Variants in MCRS1 observed in about 807,000 individuals in gnomAD.
MCRS1 encodes microspherule protein 1, also known as 58 kDa microspherule protein.
In MCRS1, 22 loss-of-function variants were observed where a neutral mutation model predicts 62.9. That is an observed-to-expected ratio of 0.35 (90% CI 0.25 to 0.50). The LOEUF (loss-of-function observed/expected upper bound fraction) is 0.50. Among genes scored for constraint, MCRS1 ranks in the 20% least tolerant of loss-of-function variants. The pLI is 0.98. For missense variants in MCRS1, 456 were observed against 601.1 expected (o/e 0.76, Z 2.52); for synonymous variants, 244 against 233.5 (o/e 1.04, Z -0.41).
At chr12:49,563,331 T>C (rs1938875926) in intron 7 of MCRS1, 107 bp downstream of exon 7, 1 of 1,360,276 alleles carries the variant, frequency 7.4e-7, no homozygotes, top group Non-Finnish European at 1.0e-6. Context: ...CGTGTGCATG[T>C]GCACATATCC....
intron 2 of MCRS1, 43 bp downstream of exon 2, chr12:49,566,678 CT>C: frequency 6.2e-7 from 1 of 1,613,538 alleles, no homozygotes; most frequent in Non-Finnish European, 8.5e-7. Context: ...TCAGCAGATG[CT>C]TGGCGCCCGA....
At chr12:49,560,147 A>G (rs1026814032) in intron 9 of MCRS1, 148 bp downstream of exon 9, 1 of 1,177,506 alleles carries the variant, frequency 8.5e-7, no homozygotes. Context: ...GGAGCCTAAG[A>G]AGGCCCCAGT....
intron 3 of MCRS1, among the ~76,000 whole-genome samples, 159 bp downstream of exon 3, chr12:49,565,918 G>A (rs1332547575): frequency 6.6e-6 from 1 of 152,188 alleles, no homozygotes; most frequent in Non-Finnish European, 1.5e-5. Flanking sequence ...GTCCCACAGG[G>A]AAGGATTTAG....
intron 1 of MCRS1, 176 bp downstream of exon 1, chr12:49,567,872 G>A (rs1372195345): frequency 1.3e-5 from 2 of 152,190 alleles, no homozygotes; most frequent in East Asian, 3.9e-4. Flanking sequence ...TTGCGCATGC[G>A]TAACACTTCG....
rs1364884717 is a variant in MCRS1 at position 49,558,726 on chromosome 12, C to T, written c.1306G>A (p.Ala436Thr). ...RLSNNSVVEIASLRFVFLINQ... is the reference protein window; with the variant it reads ...RLSNNSVVEITSLRFVFLINQ... ...ATAAGGAAGACGAATCGCAGGCTGG[C>T]GATCTGGGTGGGAGACAAAGGTGGC... Residue 436 changes from alanine to threonine, a missense_variant, in exon 15 of 15, where the codon GCC becomes ACC. Around this residue, in one of 3 missense-constraint regions of MCRS1, gnomAD observed 393 missense variants for 523.5 expected, o/e 0.75. Coordinates refer to ENST00000343810, the MANE Select transcript of MCRS1 (RefSeq NM_006337.5). 4 of 1,613,728 alleles carry T rather than the reference C, an allele frequency of 2.5e-6. No homozygotes were observed. Among genetic ancestry groups the T allele is most frequent in the South Asian group, 2.2e-5 (2 of 91,076 alleles).
chr12:49,563,106 G>T lies in MCRS1; in HGVS notation c.700C>A (p.Leu234Met), dbSNP rs757459353. The T allele has an allele frequency of 1.3e-6, 2 of 1,564,016 alleles. No individual in the cohort carries two copies. Among genetic ancestry groups the T allele is most frequent in the Non-Finnish European group, 1.7e-6 (2 of 1,152,910 alleles). Residue 234 changes from leucine (L) to methionine (M), a missense_variant, in exon 8 of 15, where the codon CTG (leucine) becomes ATG (methionine). Physicochemically the swap from Leu to Met is conservative, Grantham distance 15. This residue lies in a region of MCRS1 where 393 missense variants were observed against 523.5 expected (regional missense o/e 0.75). Coordinates refer to ENST00000343810, the MANE Select transcript of MCRS1 (RefSeq NM_006337.5). ...SQPTLETFQDLLHRHPDAFYL... is the reference protein window; with the variant it reads ...SQPTLETFQDMLHRHPDAFYL... ...AAGGCATCAGGGTGTCTGTGCAGCA[G>T]GTCCTGGAAGGTCTCCAAGGTGGGC... is the stretch of plus-strand genomic sequence containing the variant.
chr12:49,566,287 G>GC, intron 2 of MCRS1, 72 bp from the exon 3 acceptor site: 1 of 1,543,826 alleles, frequency 6.5e-7, no homozygotes, highest in Middle Eastern at 1.8e-4. Flanking sequence ...CCCCTCCCCA[G>GC]CCCCCTTCCC....
rs761654097 is a variant in MCRS1, at chr12:49,564,514, C to G, written c.524G>C (p.Trp175Ser). Residue 175 changes from tryptophan (W) to serine (S), a missense_variant, in exon 6 of 15, where the codon TGG becomes TCG. Coordinates refer to ENST00000343810, the MANE Select transcript of MCRS1 (RefSeq NM_006337.5). The stretch of plus-strand genomic sequence containing the variant: ...GACAGGATCGTAGAGCAGGGCGTAC[C>G]AACGCTCCTGGACCTCCCGAAGGGT... ...RFTLREVQER[W>S]YALLYDPVIS... 6.2e-7 allele frequency: 1 copy of G among 1,613,388 alleles called. No individual in the cohort carries two copies. The highest frequency in any genetic ancestry group is 1.1e-5 in the South Asian group (1 of 90,900).
At chr12:49,563,197 C>T (rs1938866965) in intron 7 of MCRS1, 58 bp from the exon 8 acceptor site, 4 of 1,535,816 alleles carry the variant, frequency 2.6e-6, no homozygotes, top group Admixed American at 2.0e-5. Context: ...GCCTCTCTGC[C>T]TTACCATCTC....
chr12:49,566,867 G>A, intron 1 of MCRS1, 26 bp from the exon 2 acceptor site: 1 of 1,232,598 alleles, frequency 8.1e-7, no homozygotes, highest in Admixed American at 2.0e-5. Context: ...GAGGCTCCCT[G>A]AGGCTCAGAT....
chr12:49,558,717 G>T lies in MCRS1; in HGVS notation c.1315C>A (p.Arg439=), dbSNP rs536181824. Residue 439 remains arginine, a synonymous_variant, in exon 15 of 15, where the codon CGA becomes AGA. Coordinates refer to ENST00000343810, the MANE Select transcript of MCRS1 (RefSeq NM_006337.5). The part of the protein sequence containing the change: ...NNSVVEIASL[R]FVFLINQDLI... ...TCCTGGTTGATAAGGAAGACGAATC[G>T]CAGGCTGGCGATCTGGGTGGGAGAC... is the stretch of plus-strand genomic sequence containing the variant. 14 of 1,613,958 alleles carry T rather than the reference G, an allele frequency of 8.7e-6. No individual in the cohort carries two copies. In the African/African-American group the frequency reaches 1.5e-4, roughly 17 times the overall value.
rs767369672 is a variant in MCRS1 at position 49,566,926 on chromosome 12, G to A, written c.-110-85C>T. On this transcript the variant is annotated intron_variant, in intron 1 of 14. Coordinates refer to ENST00000343810, the MANE Select transcript of MCRS1 (RefSeq NM_006337.5). ...CTTATACTGGCTCAGGTCCCCCAGG[G>A]TCCCATAAGCTAGGGAAGACATAAG... 1.5e-4 allele frequency: 101 copies of A among 686,848 alleles called. 1 individual carries two copies. Among genetic ancestry groups the A allele is most frequent in the Non-Finnish European group, 2.3e-4 (94 of 404,114 alleles). The allele number at this position is 686,848 out of a possible 1,614,324, so 42.5% of individuals were successfully genotyped here.
intron 6 of MCRS1, 65 bp downstream of exon 6, chr12:49,564,416 C>A: frequency 7.2e-7 from 1 of 1,386,740 alleles, no homozygotes; most frequent in Non-Finnish European, 1.0e-6. Flanking sequence ...ACAATTCCCT[C>A]TGCTCCAGGA....
intron 8 of MCRS1, among the ~76,000 whole-genome samples, chr12:49,562,160 C>G (rs910384992): frequency 4.6e-5 from 7 of 152,172 alleles, no homozygotes; most frequent in South Asian, 4.1e-4. Flanking sequence ...AATCCTTTTT[C>G]CTAAGCAGAA....
chr12:49,562,555 C>T (rs1019629510), intron 8 of MCRS1, among the ~76,000 whole-genome samples: 2 of 152,036 alleles, frequency 1.3e-5, no homozygotes, highest in Non-Finnish European at 1.5e-5. Flanking sequence ...GAAGGAAGAA[C>T]GGAGAGAGGC....
intron 4 of MCRS1, chr12:49,565,166 G>T: frequency 1.0e-6 from 1 of 985,438 alleles, no homozygotes; most frequent in Admixed American, 6.1e-5. Context: ...TGGGTGGGGA[G>T]GATACCGGGA....
intron 7 of MCRS1, 76 bp from the exon 8 acceptor site, chr12:49,563,215 C>T: frequency 6.5e-7 from 1 of 1,530,376 alleles, no homozygotes; most frequent in Non-Finnish European, 8.8e-7. Flanking sequence ...CTCTACCTCC[C>T]ACCTCAGCAT....
chr12:49,560,601 T>C (rs1592521993), intron 8 of MCRS1, among the ~76,000 whole-genome samples: 1 of 152,210 alleles, frequency 6.6e-6, no homozygotes, highest in African/African-American at 2.4e-5. Context: ...ATTGACCTTT[T>C]GTATGGGCTT....
chr12:49,560,662 G>A (rs1306654822), intron 8 of MCRS1, among the ~76,000 whole-genome samples: 1 of 152,212 alleles, frequency 6.6e-6, no homozygotes, highest in African/African-American at 2.4e-5. Context: ...AGCAGGGGAG[G>A]CACTACCATT....
Sources: gnomAD v4.1 joint callset for allele counts (sites outside exome capture counted in the v4.1 genomes callset) on GRCh38, gnomAD v4.1.1 for gene constraint, gnomAD v4.1.1 regional missense constraint, MANE v1.5 for transcripts, NCBI Gene and HGNC (gene_info 2026-07-23, HGNC 2026-07-21) for gene names.